The following ASIC2 variants were observed in gnomAD, a reference collection of about 807,000 sequenced individuals.
ASIC2 encodes the protein acid sensing ion channel subunit 2, also known as acid-sensing ion channel 2.
ASIC2 carries 25 observed loss-of-function variants against 57.3 expected under a neutral mutation model. The observed-to-expected ratio is 0.44, with a 90% confidence interval of 0.32 to 0.61. The LOEUF (loss-of-function observed/expected upper bound fraction) is 0.61, where lower values mean the gene tolerates loss of function less well. ASIC2 is among the 20% of genes least tolerant of loss of function. ASIC2 has a pLI of 0.06. For synonymous variants in ASIC2, 319 were observed against 307.5 expected, an observed-to-expected ratio of 1.04 and a Z score of -0.39; for missense variants, 641 against 738.1, an observed-to-expected ratio of 0.87 and a Z score of 1.52.
intron 1 of ASIC2, among the ~76,000 whole-genome samples, chr17:33,457,581 TAGG>T (rs1912494091): frequency 6.6e-6 from 1 of 152,156 alleles, no homozygotes; most frequent in African/African-American, 2.4e-5. Flanking sequence ...CCCTGCCCTC[TAGG>T]AGTTTAGTCT....
intron 1 of ASIC2, among the ~76,000 whole-genome samples, chr17:33,944,879 C>G (rs773362124): frequency 3.3e-5 from 5 of 152,194 alleles, no homozygotes; most frequent in Admixed American, 6.5e-5. Context: ...GTAAAATGGA[C>G]TGGCTGGGAC....
At chr17:33,951,656 C>T (rs531394516) in intron 1 of ASIC2, among the ~76,000 whole-genome samples, 2 of 151,832 alleles carry the variant, frequency 1.3e-5, no homozygotes, top group Admixed American at 6.6e-5. Flanking sequence ...CATCTCGGCT[C>T]ACTGCAACCT....
intron 1 of ASIC2, among the ~76,000 whole-genome samples, chr17:33,211,689 T>A (rs1907281531): frequency 6.6e-6 from 1 of 152,222 alleles, no homozygotes; most frequent in African/African-American, 2.4e-5. Context: ...ATCAGCAGTT[T>A]GCCTCCTCCA....
chr17:33,140,762 C>T (rs990921428), intron 1 of ASIC2, among the ~76,000 whole-genome samples: 3 of 152,258 alleles, frequency 2.0e-5, no homozygotes, highest in African/African-American at 7.2e-5. Flanking sequence ...CCACGGCTCC[C>T]TGTGCAGGAC....
chr17:33,285,501 C>G (rs1397383043), intron 1 of ASIC2, among the ~76,000 whole-genome samples: 2 of 152,226 alleles, frequency 1.3e-5, no homozygotes, highest in Non-Finnish European at 2.9e-5. Flanking sequence ...CACTTGAATA[C>G]AGAACTTTTC....
intron 1 of ASIC2, among the ~76,000 whole-genome samples, chr17:33,376,450 C>A (rs954808742): frequency 6.6e-6 from 1 of 151,998 alleles, no homozygotes; most frequent in Non-Finnish European, 1.5e-5. Context: ...TGTAAATTGT[C>A]CATTTCAAGC....
chr17:33,099,553 A>G (rs2092202348), intron 2 of ASIC2, among the ~76,000 whole-genome samples: 1 of 152,220 alleles, frequency 6.6e-6, no homozygotes, highest in Non-Finnish European at 1.5e-5. Flanking sequence ...TGTATTTGTG[A>G]AAGCACCGTG....
In ASIC2 at chr17:34,010,831, T is replaced by C. The variant is rs150024889; in HGVS notation, c.555+145147A>G. On this transcript the variant is annotated intron_variant, in intron 1 of 9. Coordinates refer to the ASIC2 transcript ENST00000359872. The stretch of plus-strand genomic sequence containing the variant: ...AAGTGGCTACAAAAACCTAAACAAC[T>C]TACCAATAAAACACTCCAGGCTCCT... Among the ~76,000 whole-genome samples, 1,264 of 149,836 alleles carry C rather than the reference T, an allele frequency of 8.4e-3. 6 individuals carry two copies. Among genetic ancestry groups the C allele is most frequent in the South Asian group, 0.026 (120 of 4,702 alleles).
intron 1 of ASIC2, among the ~76,000 whole-genome samples, chr17:33,669,461 TAGAC>T (rs763587888): frequency 7.9e-5 from 12 of 152,292 alleles, no homozygotes; most frequent in South Asian, 2.1e-4. Flanking sequence ...GGCAGGTAGA[TAGAC>T]AGACAGACAG....
At chr17:33,210,685 C>T (rs539858845) in intron 1 of ASIC2, among the ~76,000 whole-genome samples, 87 of 152,314 alleles carry the variant, frequency 5.7e-4, no homozygotes, top group Admixed American at 1.4e-3. Flanking sequence ...GGGCAGACAA[C>T]GAGGAGGGAG....
rs573452654 is a variant in ASIC2, at chr17:33,405,664, A to G, written c.556-293597T>C. ...ACACCCAGCTAATTTTTGTATTTTTAGTAGAGACGGGGTTTCAACATGTTG... is the reference window on the plus strand; with the variant it reads ...ACACCCAGCTAATTTTTGTATTTTTGGTAGAGACGGGGTTTCAACATGTTG... On this transcript the variant is annotated intron_variant, in intron 1 of 9. Coordinates refer to the ASIC2 transcript ENST00000359872. 3.3e-5 allele frequency among the ~76,000 whole-genome samples: 5 copies of G among 151,656 alleles called. No homozygotes were observed. The East Asian group carries it at 7.8e-4, about 24-fold the overall frequency.
rs190969368 is a variant in ASIC2 at position 33,819,093 on chromosome 17, G to A, written c.555+336885C>T. ...AAACCCAGGGATAATGCCGTTTGAA[G>A]CTGGTGGCCTAGCTATATGCCTTTC... On this transcript the variant is annotated intron_variant, in intron 1 of 9. Coordinates refer to the ASIC2 transcript ENST00000359872. 3.2e-3 allele frequency among the ~76,000 whole-genome samples: 488 copies of A among 152,272 alleles called. 3 individuals carry two copies. Among genetic ancestry groups the A allele is most frequent in the African/African-American group, 0.011 (465 of 41,544 alleles).
intron 1 of ASIC2, among the ~76,000 whole-genome samples, chr17:33,902,119 A>G (rs1312571536): frequency 1.3e-5 from 2 of 152,122 alleles, no homozygotes; most frequent in Non-Finnish European, 2.9e-5. Context: ...TTCTCAGGGG[A>G]AAAGGCAGGA....
chr17:33,399,957 CCAAGAAATTTCT>C (rs1412683158), intron 1 of ASIC2, among the ~76,000 whole-genome samples: 1 of 152,142 alleles, frequency 6.6e-6, no homozygotes, highest in Non-Finnish European at 1.5e-5. Context: ...AGTTAACTTC[CCAAGAAATTTCT>C]CTGAGAAGGT....
intron 1 of ASIC2, among the ~76,000 whole-genome samples, chr17:33,495,083 T>C (rs1216634468): frequency 4.6e-5 from 7 of 152,188 alleles, no homozygotes; most frequent in Admixed American, 2.6e-4. Flanking sequence ...AAAGCTGGAA[T>C]GAGAGGGAGA....
intron 1 of ASIC2, among the ~76,000 whole-genome samples, chr17:34,127,660 G>A (rs949505284): frequency 2.6e-5 from 4 of 152,332 alleles, no homozygotes; most frequent in South Asian, 4.1e-4. Flanking sequence ...GCAGCTGGGG[G>A]CTTCAGCTCC....
At chr17:33,941,985 G>A (rs577282177) in intron 1 of ASIC2, among the ~76,000 whole-genome samples, 12 of 152,270 alleles carry the variant, frequency 7.9e-5, no homozygotes, top group African/African-American at 2.9e-4. Context: ...CCCACAGAGC[G>A]TTTTCAGGGC....
intron 1 of ASIC2, among the ~76,000 whole-genome samples, chr17:33,329,214 C>T (rs1253411223): frequency 2.6e-5 from 4 of 152,154 alleles, no homozygotes; most frequent in Admixed American, 6.5e-5. Flanking sequence ...TACCTTCTTA[C>T]AGTCTCAGCA....
intron 1 of ASIC2, among the ~76,000 whole-genome samples, chr17:33,288,451 T>A (rs1316015591): frequency 6.6e-6 from 1 of 151,914 alleles, no homozygotes; most frequent in Admixed American, 6.6e-5. Context: ...AGGGAGGGTG[T>A]GGCAAGAAAT....
Sources: allele counts gnomAD v4.1 joint callset (sites outside exome capture counted in the v4.1 genomes callset), GRCh38; gene constraint gnomAD v4.1.1; transcripts MANE v1.5; gene names NCBI Gene and HGNC (gene_info 2026-07-23, HGNC 2026-07-21).